Variants in ROBO2 observed in about 807,000 individuals in gnomAD.
ROBO2 encodes roundabout homolog 2.
Under a neutral mutation model 160.8 loss-of-function variants are expected in ROBO2, and 53 were observed. That is an observed-to-expected ratio of 0.33 (90% CI 0.26 to 0.41). ROBO2 has a LOEUF of 0.41. Ranked by LOEUF, ROBO2 falls within the 10% of genes least tolerant of loss-of-function variation. ROBO2 has a pLI of 1.00. For missense variants in ROBO2, 1,577 were observed against 1,722.4 expected, an observed-to-expected ratio of 0.92 and a Z score of 1.49; for synonymous variants, 664 against 611.7, an observed-to-expected ratio of 1.09 and a Z score of -1.26.
chr3:75,993,731 A>G (rs1318454556), intron 2 of ROBO2, among the ~76,000 whole-genome samples: 3 of 152,100 alleles, frequency 2.0e-5, no homozygotes, highest in South Asian at 2.1e-4. Flanking sequence ...CAGATTTCTG[A>G]CCTCTTGACT....
exon 26 of ROBO2, chr3:77,647,597 C>G (rs2153726184): frequency 6.6e-6 from 1 of 152,210 alleles, no homozygotes; most frequent in Non-Finnish European, 1.5e-5. Flanking sequence ...ATAAATGTGA[C>G]TTTGAAATAT....
chr3:76,151,060 T>G (rs914323638), intron 2 of ROBO2, among the ~76,000 whole-genome samples: 11 of 152,052 alleles, frequency 7.2e-5, no homozygotes, highest in African/African-American at 2.7e-4. Flanking sequence ...CCCTCTTCAC[T>G]ATTTTTCTTC....
chr3:75,981,464 C>T (rs1392105492), intron 2 of ROBO2, among the ~76,000 whole-genome samples: 1 of 151,198 alleles, frequency 6.6e-6, no homozygotes, highest in African/African-American at 2.4e-5. Context: ...CAAAAAATAA[C>T]TCGTGACTCT....
chr3:76,477,326 T>C lies in ROBO2; in HGVS notation c.109+539724T>C, dbSNP rs139025010. Among the ~76,000 whole-genome samples, 647 of 152,264 alleles carry C rather than the reference T, an allele frequency of 4.2e-3. 2 individuals carry two copies. Among genetic ancestry groups the C allele is most frequent in the Non-Finnish European group, 8.0e-3 (545 of 68,006 alleles). ...CCAATCTGTCACTTAGGAATGATAATAAGCATTGTCCATTCCAAATTATAA... is the reference window on the plus strand; with the variant it reads ...CCAATCTGTCACTTAGGAATGATAACAAGCATTGTCCATTCCAAATTATAA... On this transcript the variant is annotated intron_variant, in intron 2 of 26. Transcript: ENST00000487694.
At position 76,397,244 on chromosome 3, in the gene ROBO2, A is replaced by C. The variant is rs186161185; in HGVS notation, c.109+459642A>C. Among the ~76,000 whole-genome samples, 1,240 of 152,308 alleles carry C rather than the reference A, an allele frequency of 8.1e-3. 13 individuals carry two copies. The highest frequency in any genetic ancestry group is 9.3e-3 in the Non-Finnish European group (630 of 68,018). ...GGGGAAAGGATTCCCTATTTAATAA[A>C]TGGTGCTGGGAAAACTGGCTAGCCA... On this transcript the variant is annotated intron_variant, in intron 2 of 26. Transcript: ENST00000487694.
rs6803660 is a variant in ROBO2 at position 76,305,888 on chromosome 3, C to G, written c.109+368286C>G. 3.4e-3 allele frequency among the ~76,000 whole-genome samples: 510 copies of G among 151,974 alleles called. 3 individuals carry two copies. The highest frequency in any genetic ancestry group is 0.012 in the African/African-American group (492 of 41,484). The stretch of plus-strand genomic sequence containing the variant: ...AAACATCACCTTGTGATCAGACAAG[C>G]TGAGGATTGCTCAGAGTTTCTCAGC... On this transcript the variant is annotated intron_variant, in intron 2 of 26. Coordinates refer to the ROBO2 transcript ENST00000487694.
In ROBO2 at chr3:76,699,672, T is replaced by A. The variant is rs139815555; in HGVS notation, c.110-398342T>A. ...TCCAGGTTTCTTTTAAAAGCACATA[T>A]CCTTTGACACAATGCACAACATTTT... On this transcript the variant is annotated intron_variant, in intron 2 of 26. Coordinates refer to the ROBO2 transcript ENST00000487694. Among the ~76,000 whole-genome samples, 678 of 152,288 alleles carry A rather than the reference T, an allele frequency of 4.5e-3. 6 individuals are homozygous for A. The highest frequency in any genetic ancestry group is 0.016 in the African/African-American group (650 of 41,570).
intron 2 of ROBO2, among the ~76,000 whole-genome samples, chr3:77,246,497 G>A (rs767637516): frequency 9.9e-5 from 15 of 152,044 alleles, no homozygotes; most frequent in Non-Finnish European, 1.9e-4. Context: ...ATCACTTAGT[G>A]GTCAGGCCAG....
chr3:77,116,920 A>G (rs775041612), intron 2 of ROBO2, among the ~76,000 whole-genome samples: 2 of 152,194 alleles, frequency 1.3e-5, no homozygotes, highest in African/African-American at 2.4e-5. Context: ...AGTGTAGTCC[A>G]TCATCTGAGG....
intron 2 of ROBO2, among the ~76,000 whole-genome samples, chr3:77,227,304 A>G (rs2086613089): frequency 6.6e-6 from 1 of 152,204 alleles, no homozygotes; most frequent in Non-Finnish European, 1.5e-5. Context: ...CATAAGATTC[A>G]GACATAGCAT....
At chr3:77,082,627 A>G (rs2068787813) in intron 1 of ROBO2, among the ~76,000 whole-genome samples, 1 of 151,342 alleles carries the variant, frequency 6.6e-6, no homozygotes. Flanking sequence ...ATATATATAT[A>G]TGTATATATT....
At chr3:76,780,568 G>A (rs1220904531) in intron 2 of ROBO2, among the ~76,000 whole-genome samples, 4 of 150,686 alleles carry the variant, frequency 2.7e-5, no homozygotes, top group Non-Finnish European at 6.0e-5. Context: ...AGTTTCAGAT[G>A]TTATATTTTG....
chr3:76,903,398 A>T lies in ROBO2; in HGVS notation c.110-194616A>T, dbSNP rs540242986. ...TTTCCACTCTCTCTTCAGTGGCTGT[A>T]TTCTGCTGGGAGTCAATTGGACTTG... On this transcript the variant is annotated intron_variant, in intron 2 of 26. Coordinates refer to the ROBO2 transcript ENST00000487694. Among the ~76,000 whole-genome samples the T allele has an allele frequency of 6.5e-4, 99 of 152,176 alleles. 1 individual carries two copies. The highest frequency in any genetic ancestry group is 3.5e-3 in the South Asian group (17 of 4,828).
intron 6 of ROBO2, among the ~76,000 whole-genome samples, chr3:77,539,496 C>T (rs2092354242): frequency 6.6e-6 from 1 of 151,938 alleles, no homozygotes; most frequent in African/African-American, 2.4e-5. Flanking sequence ...AATAGTAAGT[C>T]ACTGTCACTG....
intron 2 of ROBO2, among the ~76,000 whole-genome samples, chr3:77,176,756 T>C (rs2080201527): frequency 6.6e-6 from 1 of 152,046 alleles, no homozygotes; most frequent in South Asian, 2.1e-4. Context: ...ATTAAAACTG[T>C]ATCACTGGTT....
intron 2 of ROBO2, among the ~76,000 whole-genome samples, chr3:76,790,264 G>A (rs1428557113): frequency 6.6e-6 from 1 of 151,628 alleles, no homozygotes; most frequent in Non-Finnish European, 1.5e-5. Context: ...ATTTCTGAGT[G>A]TGATAGAAAC....
At chr3:77,378,032 A>G (rs2072925600) in intron 2 of ROBO2, among the ~76,000 whole-genome samples, 1 of 152,194 alleles carries the variant, frequency 6.6e-6, no homozygotes, top group Admixed American at 6.5e-5. Context: ...TGAAAGATTT[A>G]TCTGTTGAAT....
chr3:76,844,563 T>C (rs556459959), intron 2 of ROBO2, among the ~76,000 whole-genome samples: 208 of 152,116 alleles, frequency 1.4e-3, no homozygotes, highest in African/African-American at 4.7e-3. Context: ...TCAGTGATTT[T>C]TCTCTCCAAG....
At position 76,883,900 on chromosome 3, in the gene ROBO2, A is replaced by G. The variant is rs144881950; in HGVS notation, c.110-214114A>G. 1.7e-3 allele frequency among the ~76,000 whole-genome samples: 260 copies of G among 152,260 alleles called. 1 individual carries two copies. Among genetic ancestry groups the G allele is most frequent in the African/African-American group, 6.0e-3 (250 of 41,518 alleles). ...TGAAGCTATATTCATGCTATGGTGC[A>G]ATGCAATGAACAGAATTCAATTCTA... On this transcript the variant is annotated intron_variant, in intron 2 of 26. Transcript: ENST00000487694.
Sources: gnomAD v4.1 joint callset for allele counts (sites outside exome capture counted in the v4.1 genomes callset) on GRCh38, gnomAD v4.1.1 for gene constraint, MANE v1.5 for transcripts, NCBI Gene and HGNC (gene_info 2026-07-23, HGNC 2026-07-21) for gene names.